The following NRG3 variants were observed in gnomAD, a reference collection of about 807,000 sequenced individuals.
NRG3 encodes the protein neuregulin 3.
NRG3 carries 31 observed loss-of-function variants against 66.9 expected under a neutral mutation model. The observed-to-expected ratio is 0.46, with a 90% CI of 0.35 to 0.63. The LOEUF (loss-of-function observed/expected upper bound fraction) is 0.63. NRG3 is among the 20% of genes least tolerant of loss of function. NRG3 has a pLI of 0.00. For synonymous variants in NRG3, 393 were observed against 359.4 expected (o/e 1.09, Z -1.06); for missense variants, 910 against 878.9 (o/e 1.04, Z -0.45).
intron 2 of NRG3, among the ~76,000 whole-genome samples, chr10:82,477,947 A>C (rs1841932073): frequency 6.6e-6 from 1 of 152,212 alleles, no homozygotes; most frequent in Non-Finnish European, 1.5e-5. Flanking sequence ...TGATGTAAGC[A>C]GGGATAAGGA....
At chr10:82,005,232 G>A (rs186352811) in intron 1 of NRG3, among the ~76,000 whole-genome samples, 1 of 152,318 alleles carries the variant, frequency 6.6e-6, no homozygotes, top group East Asian at 1.9e-4. Context: ...TGGTAGATAT[G>A]ACTCTATGCT....
chr10:82,205,939 C>T (rs1027908552), intron 1 of NRG3, among the ~76,000 whole-genome samples: 2 of 152,122 alleles, frequency 1.3e-5, no homozygotes, highest in Non-Finnish European at 2.9e-5. Context: ...CAAGACTTGG[C>T]TTCTTATTGA....
intron 3 of NRG3, among the ~76,000 whole-genome samples, chr10:82,806,334 C>T (rs7089781): frequency 0.2 from 29,961 of 152,106 alleles, 3,889 homozygotes; most frequent in African/African-American, 0.37. Flanking sequence ...TTAGATAAGA[C>T]GGCATTATTT....
intron 1 of NRG3, among the ~76,000 whole-genome samples, chr10:81,918,646 A>G (rs1210089728): frequency 6.6e-6 from 1 of 152,256 alleles, no homozygotes; most frequent in Admixed American, 6.5e-5. Context: ...CTTTGATATT[A>G]TTGGAAAATT....
intron 1 of NRG3, among the ~76,000 whole-genome samples, chr10:82,089,488 AGAG>A (rs1188315497): frequency 1.3e-5 from 2 of 152,134 alleles, no homozygotes; most frequent in African/African-American, 4.8e-5. Context: ...TGAGAGCCAG[AGAG>A]GAGAAAGCAG....
chr10:82,711,660 C>A (rs2134399635), intron 2 of NRG3, among the ~76,000 whole-genome samples: 1 of 151,962 alleles, frequency 6.6e-6, no homozygotes, highest in African/African-American at 2.4e-5. Context: ...CCTCTGACTT[C>A]TTCCAATGCT....
intron 1 of NRG3, among the ~76,000 whole-genome samples, chr10:81,900,479 G>T (rs1843960202): frequency 6.6e-6 from 1 of 152,224 alleles, no homozygotes; most frequent in African/African-American, 2.4e-5. Flanking sequence ...CAAGTTTGCA[G>T]AACTCCATAT....
At chr10:82,823,140 C>T (rs989861493) in intron 3 of NRG3, among the ~76,000 whole-genome samples, 3 of 152,156 alleles carry the variant, frequency 2.0e-5, no homozygotes, top group African/African-American at 7.2e-5. Context: ...TATTTTTCTC[C>T]TCTGAGAGCC....
intron 2 of NRG3, among the ~76,000 whole-genome samples, chr10:82,449,324 A>G (rs1049408545): frequency 6.6e-6 from 1 of 152,234 alleles, no homozygotes; most frequent in African/African-American, 2.4e-5. Flanking sequence ...GTCAGCTGAC[A>G]GATATCTGGA....
At chr10:82,827,435 C>G (rs1409469114) in intron 3 of NRG3, among the ~76,000 whole-genome samples, 1 of 152,106 alleles carries the variant, frequency 6.6e-6, no homozygotes, top group Non-Finnish European at 1.5e-5. Context: ...GCAGGTAGTA[C>G]TTCCTGGAGC....
At chr10:82,543,802 G>A (rs1339793) in intron 2 of NRG3, among the ~76,000 whole-genome samples, 1 of 152,222 alleles carries the variant, frequency 6.6e-6, no homozygotes, top group Non-Finnish European at 1.5e-5. Context: ...TCAGAATTCA[G>A]TGCCTTCTGC....
At position 82,762,385 on chromosome 10, in the gene NRG3, A is replaced by G. The variant is rs572137106; in HGVS notation, c.1027+23735A>G. ...TTCAAACGCTAATTAAAAATACTTGAAAAGTTTACCAGCCCCAATGTTTAT... is the reference window on the plus strand; with the variant it reads ...TTCAAACGCTAATTAAAAATACTTGGAAAGTTTACCAGCCCCAATGTTTAT... On this transcript the variant is annotated intron_variant, in intron 3 of 8. Transcript: ENST00000372141. Among the ~76,000 whole-genome samples, 22 of 152,338 alleles carry G rather than the reference A, an allele frequency of 1.4e-4. No homozygotes were observed. In the South Asian group the frequency reaches 3.3e-3, roughly 23 times the overall value.
In NRG3 at chr10:82,651,668, A is replaced by G. The variant is rs566416919; in HGVS notation, c.954-86909A>G. 1.5e-4 allele frequency among the ~76,000 whole-genome samples: 23 copies of G among 152,320 alleles called. No individual in the cohort carries two copies. The South Asian group carries it at 4.6e-3, about 30-fold the overall frequency. On this transcript the variant is annotated intron_variant, in intron 2 of 8. Transcript: ENST00000372141. ...ATAATTTTCAACCAAAGGTGATTTT[A>G]TACCCCCATGGACTTGTCAATGTCT...
rs1015080871 is a variant in NRG3, at chr10:82,342,138, GCA to G, written c.824-16589_824-16588del. Among the ~76,000 whole-genome samples the G allele has an allele frequency of 1.3e-3, 197 of 151,044 alleles. 1 individual carries two copies. Among genetic ancestry groups the G allele is most frequent in the African/African-American group, 4.6e-3 (188 of 41,200 alleles). On this transcript the variant is annotated intron_variant, in intron 1 of 8. Transcript: ENST00000372141. ...AATATGGTATTTATGTTATATATAT[GCA>G]CACACACACACTCATTAATCATCCA...
At chr10:82,708,607 A>G (rs1364827290) in intron 2 of NRG3, among the ~76,000 whole-genome samples, 1 of 152,174 alleles carries the variant, frequency 6.6e-6, no homozygotes, top group Non-Finnish European at 1.5e-5. Flanking sequence ...CATCTGATGC[A>G]CTTTTTAATT....
chr10:82,006,644 T>A (rs1316127720), intron 1 of NRG3, among the ~76,000 whole-genome samples: 1 of 152,298 alleles, frequency 6.6e-6, no homozygotes, highest in Non-Finnish European at 1.5e-5. Flanking sequence ...TCTGATTTTT[T>A]TTCTTTCTCT....
In NRG3 at chr10:81,941,342, C is replaced by G. The variant is rs192500824; in HGVS notation, c.823+65179C>G. ...AAATTGGTAACAGGTAAAATTGAAA[C>G]AAATTTCAGTAAGATAATTTTGTCA... On this transcript the variant is annotated intron_variant, in intron 1 of 8. Coordinates refer to ENST00000372141, the MANE Select transcript of NRG3 (RefSeq NM_001010848.4). 2.6e-5 allele frequency among the ~76,000 whole-genome samples: 4 copies of G among 152,036 alleles called. No homozygotes were observed. In the Admixed American group the frequency reaches 2.6e-4, roughly 10 times the overall value.
chr10:82,346,754 G>T (rs1293101171), intron 1 of NRG3, among the ~76,000 whole-genome samples: 3 of 151,996 alleles, frequency 2.0e-5, no homozygotes, highest in East Asian at 3.9e-4. Flanking sequence ...CCTGTTATTG[G>T]TCTATTCAGA....
intron 2 of NRG3, among the ~76,000 whole-genome samples, chr10:82,649,817 A>G (rs1169243479): frequency 2.0e-5 from 3 of 152,138 alleles, no homozygotes; most frequent in African/African-American, 4.8e-5. Context: ...GCTAGAAGCT[A>G]TGCTAAAGTT....
Sources: gnomAD v4.1 joint callset for allele counts (sites outside exome capture counted in the v4.1 genomes callset) on GRCh38, gnomAD v4.1.1 for gene constraint, MANE v1.5 for transcripts, NCBI Gene and HGNC (gene_info 2026-07-23, HGNC 2026-07-21) for gene names.